The following SLC1A3 variants were observed in gnomAD, a reference collection of about 807,000 sequenced individuals.
The protein encoded by SLC1A3 is excitatory amino acid transporter 1.
A neutral mutation model predicts 48.1 loss-of-function variants in SLC1A3; 21 were observed. The ratio of observed to expected loss-of-function variants is 0.44; its 90% CI spans 0.31 to 0.63. SLC1A3 has a LOEUF of 0.63. Among genes scored for constraint, SLC1A3 ranks in the 20% least tolerant of loss-of-function variants. SLC1A3 has a pLI of 0.08. For synonymous variants in SLC1A3, 239 were observed against 251.4 expected (o/e 0.95, Z 0.47); for missense variants, 546 against 689.0 (o/e 0.79, Z 2.32).
At chr5:36,597,867 C>G (rs919148291) in intron 1 of SLC1A3, among the ~76,000 whole-genome samples, 1 of 152,198 alleles carries the variant, frequency 6.6e-6, no homozygotes, top group African/African-American at 2.4e-5. Flanking sequence ...TCCCCCACAA[C>G]TGGAATGAAT....
At chr5:36,656,661 T>G (rs1411014095) in intron 3 of SLC1A3, among the ~76,000 whole-genome samples, 1 of 152,198 alleles carries the variant, frequency 6.6e-6, no homozygotes, top group Non-Finnish European at 1.5e-5. Flanking sequence ...AGTGATGAAC[T>G]CTTGCTATAG....
Position 36,608,511 on chromosome 5 carries a change from A to G in SLC1A3, c.88A>G (p.Lys30Glu). The change falls in exon 2 of 10, where the codon AAG becomes GAG. Residue 30 changes from lysine to glutamate, a missense_variant. Lys to Glu is a moderately conservative substitution (Grantham distance 56). Transcript: ENST00000265113. The part of the protein sequence containing the change: ...QGVRKRTLLA[K>E]KKVQNITKED... ...AGTCCGTAAACGCACACTTTTGGCC[A>G]AGAAGAAAGTGCAGAACATTACAAA... 1 of 1,614,086 alleles carries G rather than the reference A, an allele frequency of 6.2e-7. No homozygotes were observed. Among genetic ancestry groups the G allele is most frequent in the Non-Finnish European group, 8.5e-7 (1 of 1,179,924 alleles).
At chr5:36,635,715 C>G (rs1164890504) in intron 3 of SLC1A3, among the ~76,000 whole-genome samples, 1 of 152,156 alleles carries the variant, frequency 6.6e-6, no homozygotes, top group Non-Finnish European at 1.5e-5. Context: ...CACGGGGCAG[C>G]AAATTCCACA....
intron 2 of SLC1A3, among the ~76,000 whole-genome samples, chr5:36,614,247 C>A (rs1054666542): frequency 9.9e-5 from 15 of 152,204 alleles, no homozygotes; most frequent in Admixed American, 9.2e-4. Context: ...AACCCCACAT[C>A]TTTTATTTAC....
intron 3 of SLC1A3, among the ~76,000 whole-genome samples, chr5:36,664,587 AT>A (rs1277230387): frequency 6.6e-6 from 1 of 152,216 alleles, no homozygotes; most frequent in Non-Finnish European, 1.5e-5. Context: ...CTGAAAAAAA[AT>A]TCTCACAAAA....
intron 3 of SLC1A3, chr5:36,630,318 C>T (rs1740089030): frequency 6.6e-6 from 1 of 152,316 alleles, no homozygotes; most frequent in Non-Finnish European, 1.5e-5. Flanking sequence ...GTGAAAGAGT[C>T]ATTTGTCTAT....
intron 3 of SLC1A3, among the ~76,000 whole-genome samples, chr5:36,639,188 C>T (rs1388350958): frequency 6.6e-6 from 1 of 152,168 alleles, no homozygotes; most frequent in Admixed American, 6.5e-5. Context: ...CAGTGACCTT[C>T]GATGGGCTAC....
intron 3 of SLC1A3, among the ~76,000 whole-genome samples, chr5:36,650,524 T>C (rs1296839605): frequency 3.9e-5 from 6 of 152,330 alleles, no homozygotes; most frequent in East Asian, 3.9e-4. Context: ...ACCAGCTTTA[T>C]CTCTGTCTTC....
chr5:36,666,834 C>G (rs1281751096), intron 3 of SLC1A3, among the ~76,000 whole-genome samples: 1 of 152,166 alleles, frequency 6.6e-6, no homozygotes, highest in African/African-American at 2.4e-5. Flanking sequence ...CCTCTCTGCC[C>G]CCTAAAATCC....
At chr5:36,674,457 G>C (rs1742125679) in intron 5 of SLC1A3, among the ~76,000 whole-genome samples, 1 of 150,826 alleles carries the variant, frequency 6.6e-6, no homozygotes, top group Non-Finnish European at 1.5e-5. Flanking sequence ...AAGAAGATTA[G>C]AGAGATTATT....
chr5:36,673,956 A>G (rs1742099637), intron 4 of SLC1A3, 93 bp from the exon 5 acceptor site: 5 of 991,810 alleles, frequency 5.0e-6, no homozygotes, highest in Non-Finnish European at 8.1e-6. Context: ...GCTTGGTTCA[A>G]TGCAATCTTT....
intron 3 of SLC1A3, among the ~76,000 whole-genome samples, chr5:36,656,215 G>A (rs772942565): frequency 4.6e-5 from 7 of 152,246 alleles, no homozygotes; most frequent in Middle Eastern, 6.8e-3. Context: ...CCTTCTGAAA[G>A]GTCATTGTTA....
intron 3 of SLC1A3, among the ~76,000 whole-genome samples, chr5:36,643,886 C>A (rs373281942): frequency 9.2e-5 from 14 of 151,914 alleles, no homozygotes; most frequent in African/African-American, 1.5e-4. Context: ...CCCAGCTACT[C>A]GAGAGGCTGA....
At chr5:36,638,613 G>A (rs1244037993) in intron 3 of SLC1A3, among the ~76,000 whole-genome samples, 2 of 152,128 alleles carry the variant, frequency 1.3e-5, no homozygotes, top group Non-Finnish European at 2.9e-5. Flanking sequence ...ATGTATTTTT[G>A]TGGCATCTGG....
chr5:36,630,423 T>C (rs1288124153), intron 3 of SLC1A3: 1 of 152,272 alleles, frequency 6.6e-6, no homozygotes, highest in African/African-American at 2.4e-5. Context: ...AGCACATCTC[T>C]GACTTGGAGA....
intron 2 of SLC1A3, among the ~76,000 whole-genome samples, chr5:36,617,663 C>T (rs542134491): frequency 6.6e-6 from 1 of 152,040 alleles, no homozygotes; most frequent in African/African-American, 2.4e-5. Context: ...GCATAGTATA[C>T]ATAGCCCACT....
Position 36,683,943 on chromosome 5 carries a change from T to G in SLC1A3, c.1369T>G (p.Ser457Ala). The G allele has an allele frequency of 3.1e-6, 5 of 1,614,142 alleles. No individual in the cohort carries two copies. The highest frequency in any genetic ancestry group is 4.2e-6 in the Non-Finnish European group (5 of 1,179,962). ...GLVTMVIVLT[S>A]VGLPTDDITL... ...GGTCACTATGGTCATTGTGCTGACA[T>G]CTGTCGGCCTGCCCACTGACGACAT... Residue 457 changes from serine (S) to alanine (A), a missense_variant, in exon 9 of 10, where the codon TCT becomes GCT. Coordinates refer to ENST00000265113, the MANE Select transcript of SLC1A3 (RefSeq NM_004172.5).
intron 3 of SLC1A3, among the ~76,000 whole-genome samples, chr5:36,645,186 T>C (rs995850258): frequency 3.3e-5 from 5 of 152,162 alleles, no homozygotes; most frequent in Admixed American, 1.3e-4. Flanking sequence ...AAATATTTGC[T>C]TTCTGGAGGT....
intron 2 of SLC1A3, among the ~76,000 whole-genome samples, chr5:36,611,444 A>G (rs764475531): frequency 6.6e-6 from 1 of 152,042 alleles, no homozygotes; most frequent in Non-Finnish European, 1.5e-5. Context: ...GAATCCATAT[A>G]TTCAAAATAA....
Sources: gnomAD v4.1 joint callset for allele counts (sites outside exome capture counted in the v4.1 genomes callset) on GRCh38, gnomAD v4.1.1 for gene constraint, MANE v1.5 for transcripts, NCBI Gene and HGNC (gene_info 2026-07-23, HGNC 2026-07-21) for gene names.